Variants in PAK5 observed in about 807,000 individuals in gnomAD.
PAK5 encodes p21 (RAC1) activated kinase 5.
In PAK5, 16 loss-of-function variants were observed where a neutral mutation model predicts 65.9. The ratio of observed to expected loss-of-function variants is 0.24; its 90% CI spans 0.16 to 0.37. The LOEUF is 0.37. PAK5 is among the 10% of genes least tolerant of loss of function. PAK5 has a pLI of 1.00. For synonymous variants in PAK5, 371 were observed against 354.9 expected (o/e 1.05, Z -0.51); for missense variants, 785 against 903.9 (o/e 0.87, Z 1.69).
chr20:9,539,954 T>A (rs1376228426), intron 9 of PAK5, among the ~76,000 whole-genome samples: 1 of 152,192 alleles, frequency 6.6e-6, no homozygotes, highest in African/African-American at 2.4e-5. Context: ...TGATGAAGCA[T>A]AGTATAAACA....
At chr20:9,564,565 G>A (rs2045642716) in intron 5 of PAK5, among the ~76,000 whole-genome samples, 1 of 152,196 alleles carries the variant, frequency 6.6e-6, no homozygotes, top group Non-Finnish European at 1.5e-5. Context: ...AATGACGCTA[G>A]TGAAGGTGAA....
chr20:9,554,409 A>T (rs111758867), intron 7 of PAK5, among the ~76,000 whole-genome samples: 1,866 of 152,288 alleles, frequency 0.012, 34 homozygotes, highest in African/African-American at 0.041. Context: ...TTTGTAGGTG[A>T]TCTGGTGGCA....
At chr20:9,556,255 G>A (rs1568960384) in intron 7 of PAK5, among the ~76,000 whole-genome samples, 2 of 152,234 alleles carry the variant, frequency 1.3e-5, no homozygotes, top group African/African-American at 4.8e-5. Flanking sequence ...TTTGCAAATT[G>A]TGTATACATG....
intron 2 of PAK5, among the ~76,000 whole-genome samples, chr20:9,644,645 T>A (rs151325764): frequency 1.3e-5 from 2 of 152,328 alleles, no homozygotes; most frequent in East Asian, 3.9e-4. Flanking sequence ...CAGAAGTTTT[T>A]GAAGGCATTG....
chr20:9,568,632 T>C (rs965968426), intron 4 of PAK5, among the ~76,000 whole-genome samples: 3 of 152,174 alleles, frequency 2.0e-5, no homozygotes, highest in African/African-American at 7.2e-5. Context: ...CATCATTTAT[T>C]TTGGCTTTCA....
Position 9,644,345 on chromosome 20 carries a change from A to C in PAK5, c.-11-6T>G, listed in dbSNP as rs756432973. The stretch of plus-strand genomic sequence containing the variant: ...CCCAAACATGATGCCAAAACCTGGG[A>C]AATATAAATGGAAAAGAGGCAGCCA... On this transcript the variant is annotated splice_polypyrimidine_tract_variant and splice_region_variant and intron_variant, in intron 2 of 9. Transcript: ENST00000353224. 1 of 1,591,160 alleles carries C rather than the reference A, an allele frequency of 6.3e-7. No homozygotes were observed.
intron 3 of PAK5, among the ~76,000 whole-genome samples, chr20:9,581,146 A>G (rs1733079945): frequency 6.6e-6 from 1 of 152,148 alleles, no homozygotes; most frequent in Admixed American, 6.6e-5. Context: ...CTTCTTACCT[A>G]TCTCAACAGA....
At chr20:9,576,159 T>C (rs2045881580) in intron 4 of PAK5, among the ~76,000 whole-genome samples, 1 of 152,194 alleles carries the variant, frequency 6.6e-6, no homozygotes, top group Admixed American at 6.5e-5. Context: ...CCTCATACTA[T>C]ATAATGAGAC....
At chr20:9,800,537 T>C (rs944784554) in intron 1 of PAK5, among the ~76,000 whole-genome samples, 41 of 152,238 alleles carry the variant, frequency 2.7e-4, no homozygotes, top group African/African-American at 9.9e-4. Context: ...TTTGACAGAA[T>C]GATAAATATT....
At chr20:9,723,971 C>T (rs1412098791) in intron 1 of PAK5, among the ~76,000 whole-genome samples, 2 of 152,100 alleles carry the variant, frequency 1.3e-5, no homozygotes, top group Non-Finnish European at 2.9e-5. Context: ...CCTTTTCACC[C>T]AAATATGAGT....
intron 1 of PAK5, among the ~76,000 whole-genome samples, chr20:9,813,567 T>A (rs906547059): frequency 2.0e-5 from 3 of 152,170 alleles, no homozygotes; most frequent in South Asian, 4.2e-4. Context: ...GCAGTGTTTG[T>A]AATAGCCCTA....
At chr20:9,647,434 G>A (rs772927275) in intron 2 of PAK5, among the ~76,000 whole-genome samples, 8 of 152,172 alleles carry the variant, frequency 5.3e-5, no homozygotes, top group Non-Finnish European at 7.3e-5. Flanking sequence ...CATTTGAGAA[G>A]AGTTATTTGG....
intron 1 of PAK5, among the ~76,000 whole-genome samples, chr20:9,759,767 A>T (rs2048677332): frequency 1.3e-5 from 2 of 152,296 alleles, no homozygotes; most frequent in South Asian, 4.1e-4. Flanking sequence ...TGGAGGCAGG[A>T]AGAGAATGTT....
intron 9 of PAK5, among the ~76,000 whole-genome samples, chr20:9,540,388 C>T (rs1032767628): frequency 6.6e-6 from 1 of 152,202 alleles, no homozygotes; most frequent in African/African-American, 2.4e-5. Context: ...CCCTATCTCC[C>T]TGCAAAAGGT....
intron 3 of PAK5, among the ~76,000 whole-genome samples, chr20:9,611,125 C>G (rs1162218570): frequency 1.3e-5 from 2 of 152,168 alleles, no homozygotes; most frequent in Non-Finnish European, 2.9e-5. Flanking sequence ...AGGAAAGGAC[C>G]AAGATATTCA....
intron 1 of PAK5, among the ~76,000 whole-genome samples, chr20:9,719,925 G>A (rs2048194817): frequency 6.6e-6 from 1 of 152,134 alleles, no homozygotes; most frequent in Admixed American, 6.5e-5. Context: ...TAAGTTATAT[G>A]GAAATTAACT....
intron 3 of PAK5, among the ~76,000 whole-genome samples, chr20:9,587,643 T>C (rs904719420): frequency 3.9e-5 from 6 of 152,228 alleles, no homozygotes; most frequent in African/African-American, 1.4e-4. Flanking sequence ...CACCCAAGTA[T>C]CTTGTTAAAG....
intron 2 of PAK5, among the ~76,000 whole-genome samples, chr20:9,709,314 A>G (rs538460525): frequency 6.8e-4 from 104 of 152,264 alleles, no homozygotes; most frequent in African/African-American, 2.4e-3. Context: ...GTTGATGGGC[A>G]CCTGGAAACA....
At chr20:9,820,694 A>G (rs2049409499) in intron 1 of PAK5, among the ~76,000 whole-genome samples, 1 of 152,232 alleles carries the variant, frequency 6.6e-6, no homozygotes, top group Admixed American at 6.5e-5. Context: ...ATTAAGAAGC[A>G]AGGGGACCCA....
Sources: gnomAD v4.1 joint callset for allele counts (sites outside exome capture counted in the v4.1 genomes callset) on GRCh38, gnomAD v4.1.1 for gene constraint, MANE v1.5 for transcripts, NCBI Gene and HGNC (gene_info 2026-07-23, HGNC 2026-07-21) for gene names.